Variants in CARMIL1 observed in about 807,000 individuals in gnomAD.
CARMIL1 encodes the protein capping protein regulator and myosin 1 linker 1.
Under a neutral mutation model 177.1 loss-of-function variants are expected in CARMIL1, and 90 were observed. That is an observed-to-expected ratio of 0.51 (90% confidence interval 0.43 to 0.61). The LOEUF is 0.61. CARMIL1 is among the 20% of genes least tolerant of loss of function. CARMIL1 has a pLI of 0.00. For synonymous variants in CARMIL1, 577 were observed against 606.2 expected (o/e 0.95, Z 0.71); for missense variants, 1,380 against 1,667.0 (o/e 0.83, Z 3.00).
intron 32 of CARMIL1, among the ~76,000 whole-genome samples, chr6:25,596,844 C>CACACAG (rs1814899566): frequency 1.0e-5 from 1 of 95,902 alleles, no homozygotes; most frequent in Non-Finnish European, 2.0e-5. Flanking sequence ...TGTCACCAAA[C>CACACAG]ACACAGACAC....
intron 5 of CARMIL1, among the ~76,000 whole-genome samples, chr6:25,436,686 GT>G (rs1162297645): frequency 6.6e-6 from 1 of 152,208 alleles, no homozygotes; most frequent in Non-Finnish European, 1.5e-5. Flanking sequence ...TCCCCCCATG[GT>G]GGGAGGTGGA....
At chr6:25,316,197 A>G (rs756632800) in intron 2 of CARMIL1, among the ~76,000 whole-genome samples, 2 of 152,240 alleles carry the variant, frequency 1.3e-5, no homozygotes, top group Non-Finnish European at 2.9e-5. Flanking sequence ...TGAAGTGATT[A>G]CTGTAAAACA....
intron 31 of CARMIL1, 107 bp downstream of exon 31, chr6:25,581,546 T>G (rs1813122104): frequency 9.9e-7 from 1 of 1,007,490 alleles, no homozygotes; most frequent in African/African-American, 1.6e-5. Context: ...AAGCTATGGT[T>G]AAGGAGACTA....
intron 2 of CARMIL1, among the ~76,000 whole-genome samples, chr6:25,362,384 C>G (rs1166040723): frequency 6.6e-6 from 1 of 152,180 alleles, no homozygotes; most frequent in Non-Finnish European, 1.5e-5. Context: ...TAGTTAAAAC[C>G]ACTACACGGG....
chr6:25,329,323 C>A (rs568717593), intron 2 of CARMIL1, among the ~76,000 whole-genome samples: 1 of 152,122 alleles, frequency 6.6e-6, no homozygotes, highest in Non-Finnish European at 1.5e-5. Context: ...TTAGCAGTGG[C>A]AAGCTCTTTT....
intron 9 of CARMIL1, among the ~76,000 whole-genome samples, chr6:25,467,920 T>C (rs1014705866): frequency 2.0e-5 from 3 of 152,336 alleles, no homozygotes; most frequent in Non-Finnish European, 4.4e-5. Flanking sequence ...ACTTCCCCTT[T>C]TGATTGGTAC....
rs559939049 is a variant in CARMIL1, at chr6:25,442,997, C to T, written c.372-6901C>T. 7.2e-5 allele frequency among the ~76,000 whole-genome samples: 11 copies of T among 152,252 alleles called. 1 individual carries two copies. In the South Asian group the frequency reaches 1.2e-3, roughly 17 times the overall value. On this transcript the variant is annotated intron_variant, in intron 5 of 36. Coordinates refer to ENST00000329474, the MANE Select transcript of CARMIL1 (RefSeq NM_017640.6). ...TCCTGTTTTTAATCCCACCAGCTTCCGGTCAAAGATTTTTGCCATATTTTC... is the reference window on the plus strand; with the variant it reads ...TCCTGTTTTTAATCCCACCAGCTTCTGGTCAAAGATTTTTGCCATATTTTC...
intron 9 of CARMIL1, among the ~76,000 whole-genome samples, chr6:25,468,409 C>A (rs1247207880): frequency 6.6e-6 from 1 of 152,136 alleles, no homozygotes; most frequent in Non-Finnish European, 1.5e-5. Context: ...TCTAAAGTTC[C>A]ATTTTTTAAA....
rs77445501 is a variant in CARMIL1 at position 25,302,055 on chromosome 6, G to A, written c.138+17146G>A. On this transcript the variant is annotated intron_variant, in intron 2 of 36. Transcript: ENST00000329474. ...TTAAAAAAATCATTAAAAATACATG[G>A]AATAGAGTGTTGAAATCAGCATTGT... Among the ~76,000 whole-genome samples, 20 of 152,276 alleles carry A rather than the reference G, an allele frequency of 1.3e-4. No individual in the cohort carries two copies. The East Asian group carries it at 3.9e-3, about 29-fold the overall frequency.
At chr6:25,433,975 A>G (rs1371941949) in intron 4 of CARMIL1, among the ~76,000 whole-genome samples, 1 of 152,228 alleles carries the variant, frequency 6.6e-6, no homozygotes. Context: ...AGTGTTCTCC[A>G]TCATATTTTT....
chr6:25,349,456 G>C (rs1434849592), intron 2 of CARMIL1, among the ~76,000 whole-genome samples: 2 of 152,204 alleles, frequency 1.3e-5, no homozygotes, highest in African/African-American at 4.8e-5. Context: ...TGTTGGGACT[G>C]GGAGACATTC....
At chr6:25,358,825 G>A (rs1788893221) in intron 2 of CARMIL1, among the ~76,000 whole-genome samples, 1 of 152,184 alleles carries the variant, frequency 6.6e-6, no homozygotes, top group Admixed American at 6.5e-5. Flanking sequence ...TGTACTTGGT[G>A]TATATGCAAT....
At chr6:25,616,135 T>A (rs1353920155) in intron 36 of CARMIL1, among the ~76,000 whole-genome samples, 1 of 152,248 alleles carries the variant, frequency 6.6e-6, no homozygotes, top group Non-Finnish European at 1.5e-5. Flanking sequence ...CCAGCACTCT[T>A]AACAAATACT....
intron 11 of CARMIL1, among the ~76,000 whole-genome samples, chr6:25,473,994 G>C (rs896674843): frequency 2.0e-4 from 31 of 152,150 alleles, no homozygotes; most frequent in African/African-American, 7.2e-4. Flanking sequence ...CAAGGTTTAA[G>C]AAGGAATTGG....
intron 20 of CARMIL1, among the ~76,000 whole-genome samples, chr6:25,512,879 G>T (rs1805592232): frequency 6.6e-6 from 1 of 152,116 alleles, no homozygotes; most frequent in African/African-American, 2.4e-5. Flanking sequence ...GATTCTCCTG[G>T]GGGTGCCTGA....
intron 2 of CARMIL1, among the ~76,000 whole-genome samples, chr6:25,303,138 T>C (rs199619585): frequency 4.6e-5 from 7 of 151,228 alleles, no homozygotes; most frequent in Admixed American, 2.0e-4. Flanking sequence ...TTTTTTTTTT[T>C]CCATTGTGAG....
At chr6:25,288,982 A>G (rs544701279) in intron 2 of CARMIL1, among the ~76,000 whole-genome samples, 2 of 152,320 alleles carry the variant, frequency 1.3e-5, no homozygotes, top group Admixed American at 6.5e-5. Context: ...ATTTCTAAGA[A>G]TTGGATAAAG....
At chr6:25,293,706 C>A (rs1300853641) in intron 2 of CARMIL1, among the ~76,000 whole-genome samples, 4 of 151,856 alleles carry the variant, frequency 2.6e-5, no homozygotes, top group African/African-American at 4.8e-5. Context: ...TCCTTTCCCC[C>A]TTCCCTTCCC....
At chr6:25,573,206 A>G (rs112927471) in intron 29 of CARMIL1, among the ~76,000 whole-genome samples, 1,955 of 152,292 alleles carry the variant, frequency 0.013, 61 homozygotes, top group African/African-American at 0.044. Context: ...GCATTCCCCT[A>G]TGTCACCCAA....
Sources: allele counts gnomAD v4.1 joint callset (sites outside exome capture counted in the v4.1 genomes callset), GRCh38; gene constraint gnomAD v4.1.1; transcripts MANE v1.5; gene names NCBI Gene and HGNC (gene_info 2026-07-23, HGNC 2026-07-21).